The following HTT variants were observed in gnomAD, a reference collection of about 807,000 sequenced individuals.
The protein encoded by HTT is huntington disease protein.
In HTT, 104 loss-of-function variants were observed where a neutral mutation model predicts 362.3. The observed-to-expected ratio is 0.29, with a 90% CI of 0.24 to 0.34. The LOEUF (loss-of-function observed/expected upper bound fraction) is 0.34. HTT is among the 10% of genes least tolerant of loss of function. HTT has a pLI of 1.00. For missense variants in HTT, 3,301 were observed against 3,928.6 expected, an observed-to-expected ratio of 0.84 and a Z score of 4.27; for synonymous variants, 1,577 against 1,548.7, an observed-to-expected ratio of 1.02 and a Z score of -0.43.
Position 3,144,637 on chromosome 4 carries a change from C to T in HTT, c.3067-515C>T, listed in dbSNP as rs1716513571. On this transcript the variant is annotated intron_variant, in intron 23 of 66. Transcript: ENST00000355072. ...AGCCAGACCTTTTTATTTTATTTGACAAAAGAAATACTTCCATGTTATAGA... is the reference window on the plus strand; with the variant it reads ...AGCCAGACCTTTTTATTTTATTTGATAAAAGAAATACTTCCATGTTATAGA... 3.9e-5 allele frequency among the ~76,000 whole-genome samples: 6 copies of T among 152,294 alleles called. No individual in the cohort carries two copies. The South Asian group carries it at 1.2e-3, about 32-fold the overall frequency.
At chr4:3,136,389 G>A in intron 21 of HTT, 63 bp downstream of exon 21, 1 of 796,844 alleles carries the variant, frequency 1.3e-6, no homozygotes, top group Non-Finnish European at 2.1e-6. Flanking sequence ...TACGAGAATG[G>A]AAAGAGAGGG....
Position 3,218,010 on chromosome 4 carries a change from T to G in HTT, c.7242+58T>G. 1 of 1,450,602 alleles carries G rather than the reference T, an allele frequency of 6.9e-7. No homozygotes were observed. Among genetic ancestry groups the G allele is most frequent in the Non-Finnish European group, 9.4e-7 (1 of 1,069,208 alleles). The allele number at this position is 1,450,602 out of a possible 1,614,324, so 89.9% of individuals were successfully genotyped here. A position where few individuals can be genotyped will look rare whatever the true frequency, so the allele number is the denominator to read the frequency against. On this transcript the variant is annotated intron_variant, in intron 52 of 66. Coordinates refer to ENST00000355072, the MANE Select transcript of HTT (RefSeq NM_001388492.1). This position sits in a 1 kb window ranked among gnomAD's most constrained non-coding sequence, Gnocchi z 4.4. ...TACGGTGAAAGGCACCGGTAGGCCC[T>G]GGGCTGGGCACACGTGAGAGGGCGG... is the stretch of plus-strand genomic sequence containing the variant.
At chr4:3,147,927 A>C (rs891664189) in intron 25 of HTT, 78 bp from the exon 26 acceptor site, 1 of 1,193,262 alleles carries the variant, frequency 8.4e-7, no homozygotes, top group African/African-American at 1.5e-5. Context: ...TAGGGTCTTA[A>C]ATGACTTCAG....
intron 66 of HTT, 24 bp from the exon 67 acceptor site, chr4:3,239,822 C>CT: frequency 6.5e-7 from 1 of 1,542,762 alleles, no homozygotes. Context: ...ATTTGCCGGC[C>CT]TTTTTCCTTA....
chr4:3,192,883 C>A (rs941260021), intron 40 of HTT, among the ~76,000 whole-genome samples: 2 of 152,244 alleles, frequency 1.3e-5, no homozygotes, highest in Admixed American at 1.3e-4. Context: ...TGCTAGCAGG[C>A]TCTGGTTGTG....
At chr4:3,158,907 G>T (rs529163271) in intron 28 of HTT, among the ~76,000 whole-genome samples, 1 of 152,046 alleles carries the variant, frequency 6.6e-6, no homozygotes, top group Admixed American at 6.5e-5. Context: ...CTTGCTATCT[G>T]TTTATTATTT....
chr4:3,075,156 C>A, intron 1 of HTT, 68 bp downstream of exon 1: 2 of 1,185,178 alleles, frequency 1.7e-6, no homozygotes, highest in Non-Finnish European at 1.0e-6. Context: ...TGGCGGTAAC[C>A]CTGCAGCCTG....
At chr4:3,127,690 A>G (rs1715587721) in intron 12 of HTT, 86 bp downstream of exon 12, 1 of 974,720 alleles carries the variant, frequency 1.0e-6, no homozygotes, top group Admixed American at 2.5e-5. Flanking sequence ...GAGGCCGGGC[A>G]CAGGGGCTCA....
chr4:3,084,247 C>T (rs899070978), intron 1 of HTT, among the ~76,000 whole-genome samples: 2 of 139,496 alleles, frequency 1.4e-5, no homozygotes, highest in African/African-American at 5.4e-5. Context: ...CTCTGTTGCC[C>T]AGGCTGGAGT....
chr4:3,076,609 T>C (rs911987963), intron 1 of HTT, among the ~76,000 whole-genome samples: 6 of 152,210 alleles, frequency 3.9e-5, no homozygotes, highest in Non-Finnish European at 7.3e-5. Flanking sequence ...CTGTAGTGCT[T>C]TTCTAGGAGG....
In HTT at chr4:3,203,952, A is replaced by G. The variant is rs1719718041; in HGVS notation, c.5577-55A>G. On this transcript the variant is annotated intron_variant, in intron 41 of 66. Transcript: ENST00000355072. Reference sequence around the variant, plus strand: ...AACATAATCATCTTCAGTATTTTGCAAATAAGCTCACTGCCATCCAGAAAC... The same window carrying G: ...AACATAATCATCTTCAGTATTTTGCGAATAAGCTCACTGCCATCCAGAAAC... The G allele has an allele frequency of 5.7e-6, 9 of 1,580,782 alleles. No homozygotes were observed. In the Admixed American group the frequency reaches 1.4e-4, roughly 24 times the overall value.
chr4:3,160,501 G>GA, intron 29 of HTT, 109 bp downstream of exon 29: 1 of 757,082 alleles, frequency 1.3e-6, no homozygotes, highest in Non-Finnish European at 2.3e-6. Context: ...GCCTCCGGGA[G>GA]ACTCCTCCCT....
chr4:3,220,843 G>A (rs946978687), intron 53 of HTT, among the ~76,000 whole-genome samples: 5 of 152,162 alleles, frequency 3.3e-5, no homozygotes, highest in African/African-American at 7.2e-5. Flanking sequence ...CCTGAGCAGC[G>A]CAGGGCAAGT....
At position 3,148,063 on chromosome 4, in the gene HTT, A is replaced by C. The variant is rs376205282; in HGVS notation, c.3354A>C (p.Ala1118=). Reference sequence around the variant, plus strand: ...CCTCTGAAGAAGAAGCCAACCCAGCAGCCACCAAGCAAGAGGAGGTCTGGC... The same window carrying C: ...CCTCTGAAGAAGAAGCCAACCCAGCCGCCACCAAGCAAGAGGAGGTCTGGC... The part of the protein sequence containing the change: ...SWASEEEANP[A]ATKQEEVWPA... The change falls in exon 26 of 67, where the codon GCA becomes GCC. Residue 1118 remains alanine, a synonymous_variant. Coordinates refer to ENST00000355072, the MANE Select transcript of HTT (RefSeq NM_001388492.1). 5.2e-5 allele frequency: 84 copies of C among 1,614,048 alleles called. No individual in the cohort carries two copies. Among genetic ancestry groups the C allele is most frequent in the Non-Finnish European group, 6.7e-5 (79 of 1,180,026 alleles).
rs569845057 is a variant in HTT at position 3,157,997 on chromosome 4, T to C, written c.3753+798T>C. 1.4e-4 allele frequency among the ~76,000 whole-genome samples: 22 copies of C among 152,030 alleles called. 1 individual carries two copies. The highest frequency in any genetic ancestry group is 3.4e-3 in the Middle Eastern group (1 of 294). ...CATCTATTAGAAGCATCCTTGTTTT[T>C]TTTTTTTCTTTTTTAGACAGAGTCT... On this transcript the variant is annotated intron_variant, in intron 28 of 66. Coordinates refer to ENST00000355072, the MANE Select transcript of HTT (RefSeq NM_001388492.1).
chr4:3,158,394 A>G (rs955753181), intron 28 of HTT, among the ~76,000 whole-genome samples: 1 of 152,212 alleles, frequency 6.6e-6, no homozygotes, highest in Non-Finnish European at 1.5e-5. Context: ...TGGGATGTGA[A>G]CAATAGAATC....
intron 19 of HTT, among the ~76,000 whole-genome samples, chr4:3,135,216 C>A (rs967770777): frequency 6.6e-6 from 1 of 151,642 alleles, no homozygotes; most frequent in Non-Finnish European, 1.5e-5. Flanking sequence ...CTAGGTAAGA[C>A]AGCTGGTTTA....
At chr4:3,107,767 C>T (rs1051864924) in intron 6 of HTT, among the ~76,000 whole-genome samples, 3 of 152,244 alleles carry the variant, frequency 2.0e-5, no homozygotes, top group East Asian at 1.9e-4. Flanking sequence ...AGAAAGCTCA[C>T]TGACGAGGCC....
intron 27 of HTT, among the ~76,000 whole-genome samples, chr4:3,155,286 A>G (rs780778887): frequency 3.1e-4 from 47 of 151,614 alleles, no homozygotes; most frequent in Non-Finnish European, 4.3e-4. Flanking sequence ...CAGTGGTGCA[A>G]TCTCGGCTCA....
Sources: gnomAD v4.1 joint callset for allele counts (sites outside exome capture counted in the v4.1 genomes callset) on GRCh38, gnomAD v4.1.1 for gene constraint, Gnocchi (gnomAD v3.1) non-coding constraint, MANE v1.5 for transcripts, NCBI Gene and HGNC (gene_info 2026-07-23, HGNC 2026-07-21) for gene names.